IL1RAPL2: variants seen among roughly 807,000 people sequenced by gnomAD.
IL1RAPL2 encodes the protein interleukin 1 receptor accessory protein like 2.
IL1RAPL2 carries 3 observed loss-of-function variants against 44.1 expected under a neutral mutation model. The ratio of observed to expected loss-of-function variants is 0.07; its 90% CI spans 0.03 to 0.18. The LOEUF (loss-of-function observed/expected upper bound fraction) is 0.18, where lower values mean the gene tolerates loss of function less well. Among genes scored for constraint, IL1RAPL2 ranks in the 10% least tolerant of loss-of-function variants. IL1RAPL2 has a pLI of 1.00. For synonymous variants in IL1RAPL2, 181 were observed against 178.8 expected (o/e 1.01, Z -0.10); for missense variants, 391 against 496.4 (o/e 0.79, Z 2.02).
chrX:104,855,681 G>GTGTTTTTTTTTTTTTTT lies in IL1RAPL2; in HGVS notation c.82+196687_82+196688insGTTTTTTTTTTTTTTTT. 5.0e-4 allele frequency among the ~76,000 whole-genome samples: 27 copies of GTGTTTTTTTTTTTTTTT among 53,859 alleles called. 3 individuals carry two copies. Among genetic ancestry groups the GTGTTTTTTTTTTTTTTT allele is most frequent in the Non-Finnish European group, 8.1e-4 (20 of 24,619 alleles). 46.8% of individuals were successfully genotyped at this position (53,859 alleles called of 115,157 possible). A position where few individuals can be genotyped will look rare whatever the true frequency, so the allele number is the denominator to read the frequency against. On this transcript the variant is annotated intron_variant, in intron 2 of 10. Coordinates refer to ENST00000372582, the MANE Select transcript of IL1RAPL2 (RefSeq NM_017416.2). ...TTAACTGTGCTAAGGATCTGGATCC[G>GTGTTTTTTTTTTTTTTT]TTTTTTTTTTTTTTTTTACTGTATC... is the stretch of plus-strand genomic sequence containing the variant.
At chrX:104,904,710 C>T (rs997749750) in intron 2 of IL1RAPL2, among the ~76,000 whole-genome samples, 53 of 109,824 alleles carry the variant, frequency 4.8e-4, no homozygotes, top group African/African-American at 1.8e-3. Flanking sequence ...CATTGTTGGA[C>T]ATTTGGGTTG....
chrX:105,110,157 T>C (rs2147565019), intron 2 of IL1RAPL2, among the ~76,000 whole-genome samples: 1 of 112,342 alleles, frequency 8.9e-6, no homozygotes, highest in South Asian at 3.7e-4. Flanking sequence ...CCAAGTCAGC[T>C]TCCTTAAGAG....
At chrX:105,384,713 T>G (rs1225507767) in intron 5 of IL1RAPL2, among the ~76,000 whole-genome samples, 1 of 111,496 alleles carries the variant, frequency 9.0e-6, no homozygotes, top group East Asian at 2.8e-4. Flanking sequence ...ATGGACACTT[T>G]AACACATTCA....
At chrX:105,234,420 T>C (rs2034101315) in intron 4 of IL1RAPL2, among the ~76,000 whole-genome samples, 1 of 111,699 alleles carries the variant, frequency 9.0e-6, no homozygotes, top group African/African-American at 3.3e-5. Flanking sequence ...GCCACAACAG[T>C]GAATGCAGAG....
At chrX:104,630,553 C>T (rs1326271692) in intron 1 of IL1RAPL2, among the ~76,000 whole-genome samples, 1 of 110,319 alleles carries the variant, frequency 9.1e-6, no homozygotes, top group African/African-American at 3.3e-5. Flanking sequence ...CTGCCTTGGC[C>T]TCCCAAAGTA....
chrX:105,243,435 T>C (rs2034188750), intron 4 of IL1RAPL2, among the ~76,000 whole-genome samples: 1 of 108,879 alleles, frequency 9.2e-6, no homozygotes, highest in South Asian at 4.0e-4. Flanking sequence ...CTTTATAAAT[T>C]ACCCAGTCTC....
intron 10 of IL1RAPL2, among the ~76,000 whole-genome samples, chrX:105,756,767 G>A (rs367771837): frequency 2.1e-4 from 23 of 110,591 alleles, no homozygotes; most frequent in African/African-American, 6.9e-4. Context: ...CCATTTTTAC[G>A]ACTTGAAATA....
At chrX:105,515,007 G>A (rs1215212127) in intron 6 of IL1RAPL2, among the ~76,000 whole-genome samples, 1 of 111,667 alleles carries the variant, frequency 9.0e-6, no homozygotes, top group African/African-American at 3.3e-5. Flanking sequence ...AAATTGTCTA[G>A]CACTATGAAC....
chrX:104,635,976 A>G (rs1929793972), intron 1 of IL1RAPL2, among the ~76,000 whole-genome samples: 2 of 110,966 alleles, frequency 1.8e-5, no homozygotes, highest in Non-Finnish European at 3.8e-5. Context: ...TTGTGTTTTT[A>G]TCTACCTTTG....
chrX:105,243,898 C>G (rs2034197161), intron 4 of IL1RAPL2, among the ~76,000 whole-genome samples: 1 of 111,187 alleles, frequency 9.0e-6, no homozygotes, highest in African/African-American at 3.3e-5. Context: ...GGGAAAATAA[C>G]TAAGCCAAAA....
intron 2 of IL1RAPL2, among the ~76,000 whole-genome samples, chrX:104,839,030 T>C (rs549316456): frequency 9.3e-6 from 1 of 107,522 alleles, no homozygotes; most frequent in South Asian, 4.2e-4. Flanking sequence ...TTTATTTTTA[T>C]TAGAGATGGG....
intron 6 of IL1RAPL2, among the ~76,000 whole-genome samples, chrX:105,579,868 C>G (rs894016512): frequency 5.4e-5 from 6 of 111,486 alleles, no homozygotes; most frequent in Middle Eastern, 4.7e-3. Context: ...TTTCTAAGCC[C>G]AAGATACATG....
At chrX:104,681,858 CA>C (rs1208404208) in intron 2 of IL1RAPL2, among the ~76,000 whole-genome samples, 2 of 112,706 alleles carry the variant, frequency 1.8e-5, no homozygotes, top group Non-Finnish European at 3.8e-5. Flanking sequence ...GTGTTGAACA[CA>C]TGTCCCTCCT....
chrX:104,859,091 A>G (rs755062331), intron 2 of IL1RAPL2, among the ~76,000 whole-genome samples: 13 of 111,346 alleles, frequency 1.2e-4, no homozygotes, highest in Non-Finnish European at 2.1e-4. Flanking sequence ...ATTTCTGATG[A>G]GGCTACTAGG....
chrX:104,659,007 G>T lies in IL1RAPL2; in HGVS notation c.82+12G>T. On this transcript the variant is annotated intron_variant, in intron 2 of 10. Coordinates refer to ENST00000372582, the MANE Select transcript of IL1RAPL2 (RefSeq NM_017416.2). ...AAAGAGAAATTCTGGTAAGTTGCTG[G>T]CAACTTGCCACTATTTGGTCAAAAA... 2 of 1,161,920 alleles carry T rather than the reference G, an allele frequency of 1.7e-6. No homozygotes were observed. The highest frequency in any genetic ancestry group is 2.3e-6 in the Non-Finnish European group (2 of 852,859).
At chrX:105,034,486 C>G (rs1460573342) in intron 2 of IL1RAPL2, among the ~76,000 whole-genome samples, 2 of 112,304 alleles carry the variant, frequency 1.8e-5, no homozygotes, top group Non-Finnish European at 3.8e-5. Flanking sequence ...TGCTAGAGGT[C>G]CACTCCAGAC....
At chrX:104,696,374 G>C (rs1053138745) in intron 2 of IL1RAPL2, among the ~76,000 whole-genome samples, 1 of 112,117 alleles carries the variant, frequency 8.9e-6, no homozygotes, top group Non-Finnish European at 1.9e-5. Context: ...CAAAGTATCA[G>C]CAGCATTGGC....
chrX:104,776,786 CTGT>C lies in IL1RAPL2; in HGVS notation c.82+117796_82+117798del, dbSNP rs765334678. Among the ~76,000 whole-genome samples the C allele has an allele frequency of 1.5e-3, 169 of 111,921 alleles. 1 individual carries two copies. Among genetic ancestry groups the C allele is most frequent in the African/African-American group, 4.8e-3 (147 of 30,851 alleles). ...CCATATACCCTACACCCACTTTTTC[CTGT>C]TGTTAATATCTTACATAATATGGTA... On this transcript the variant is annotated intron_variant, in intron 2 of 10. Coordinates refer to ENST00000372582, the MANE Select transcript of IL1RAPL2 (RefSeq NM_017416.2).
At chrX:104,592,841 G>T (rs1928695337) in intron 1 of IL1RAPL2, among the ~76,000 whole-genome samples, 1 of 111,894 alleles carries the variant, frequency 8.9e-6, no homozygotes, top group South Asian at 3.7e-4. Flanking sequence ...TAGTGAGAAT[G>T]CTGGGGAAAA....
Sources: gnomAD v4.1 joint callset for allele counts (sites outside exome capture counted in the v4.1 genomes callset) on GRCh38, gnomAD v4.1.1 for gene constraint, MANE v1.5 for transcripts, NCBI Gene and HGNC (gene_info 2026-07-23, HGNC 2026-07-21) for gene names.